Variants in FGF14 observed in about 807,000 individuals in gnomAD.
FGF14 encodes the protein fibroblast growth factor 14, also known as fibroblast growth factor homologous factor 4.
In FGF14, 5 loss-of-function variants were observed where a neutral mutation model predicts 25.5. The ratio of observed to expected loss-of-function variants is 0.20; its 90% confidence interval spans 0.10 to 0.41. The LOEUF (loss-of-function observed/expected upper bound fraction) is 0.41. FGF14 is among the 10% of genes least tolerant of loss of function. The pLI, the probability that FGF14 is intolerant of heterozygous loss-of-function variation, is 1.00. For synonymous variants in FGF14, 138 were observed against 118.3 expected (o/e 1.17, Z -1.08); for missense variants, 222 against 320.1 (o/e 0.69, Z 2.34).
intron 1 of FGF14, among the ~76,000 whole-genome samples, chr13:101,945,152 C>A (rs945760847): frequency 6.6e-6 from 1 of 152,048 alleles, no homozygotes; most frequent in Non-Finnish European, 1.5e-5. Flanking sequence ...AACCCCATCT[C>A]TACTAAAAAT....
chr13:102,130,700 G>A (rs774965385), intron 1 of FGF14, among the ~76,000 whole-genome samples: 3 of 152,104 alleles, frequency 2.0e-5, no homozygotes, highest in Non-Finnish European at 4.4e-5. Flanking sequence ...GAGCGTACAA[G>A]GGAAAGCCAA....
At chr13:102,363,581 T>C (rs986701935) in intron 1 of FGF14, among the ~76,000 whole-genome samples, 1 of 152,218 alleles carries the variant, frequency 6.6e-6, no homozygotes, top group Non-Finnish European at 1.5e-5. Context: ...AAAGGCTCTT[T>C]TTCCCATAGC....
chr13:101,772,431 C>T (rs1594194296), intron 3 of FGF14, among the ~76,000 whole-genome samples: 1 of 152,090 alleles, frequency 6.6e-6, no homozygotes, highest in Non-Finnish European at 1.5e-5. Flanking sequence ...TCAGGACAGA[C>T]TTTCCATGTA....
chr13:102,293,149 GT>G (rs67564093), intron 1 of FGF14: 5,227 of 152,338 alleles, frequency 0.034, 120 homozygotes, highest in Non-Finnish European at 0.051. Flanking sequence ...CAGGCTCCGT[GT>G]TTCTTCCCCT....
chr13:101,755,450 A>G (rs894797067), intron 3 of FGF14, among the ~76,000 whole-genome samples: 2 of 152,258 alleles, frequency 1.3e-5, no homozygotes, highest in African/African-American at 4.8e-5. Flanking sequence ...GCAGTGAGGT[A>G]TGATCACACC....
chr13:102,341,608 A>G (rs1426363809), intron 1 of FGF14, among the ~76,000 whole-genome samples: 1 of 152,206 alleles, frequency 6.6e-6, no homozygotes, highest in East Asian at 1.9e-4. Flanking sequence ...TATTTGAAAT[A>G]TTTGTATGAT....
chr13:102,186,029 G>A (rs2048860690), intron 1 of FGF14, among the ~76,000 whole-genome samples: 1 of 152,110 alleles, frequency 6.6e-6, no homozygotes, highest in African/African-American at 2.4e-5. Context: ...TCTGGACAAA[G>A]TTCATTGCCT....
chr13:102,111,721 G>GA (rs76260816), intron 1 of FGF14, among the ~76,000 whole-genome samples: 4,893 of 81,096 alleles, frequency 0.06, 290 homozygotes, highest in African/African-American at 0.17. Context: ...GTCTAAAAAA[G>GA]AAAAAAAAAA....
At chr13:101,825,977 C>A (rs2042375757) in intron 3 of FGF14, among the ~76,000 whole-genome samples, 1 of 152,098 alleles carries the variant, frequency 6.6e-6, no homozygotes. Context: ...AAGACCATGT[C>A]AATCTGTTAT....
At chr13:102,194,465 T>C (rs2049264104) in intron 1 of FGF14, among the ~76,000 whole-genome samples, 1 of 151,758 alleles carries the variant, frequency 6.6e-6, no homozygotes, top group African/African-American at 2.4e-5. Context: ...TGTGTGTTGT[T>C]CCCCTGCTAG....
chr13:102,032,694 A>G (rs530179730), intron 1 of FGF14, among the ~76,000 whole-genome samples: 5 of 152,272 alleles, frequency 3.3e-5, no homozygotes, highest in Admixed American at 6.5e-5. Context: ...GGCAGGGGAC[A>G]TACACTATCA....
At position 101,721,019 on chromosome 13, in the gene FGF14, A is replaced by C. The variant is rs2034938397; in HGVS notation, c.*1812T>G. 6.6e-6 allele frequency: 1 copy of C among 152,154 alleles called. No homozygotes were observed. The highest frequency in any genetic ancestry group is 2.4e-5 in the African/African-American group (1 of 41,452). 9.4% of individuals were successfully genotyped at this position (152,154 alleles called of 1,614,324 possible). On this transcript the variant is annotated 3_prime_UTR_variant, in exon 5 of 5. Coordinates refer to ENST00000376143, the MANE Select transcript of FGF14 (RefSeq NM_004115.4). Reference sequence around the variant, plus strand: ...GAAGATTTATGAAAGCAGTGACAAAATAATTTCCCAATAAATACAGTGCAG... The same window carrying C: ...GAAGATTTATGAAAGCAGTGACAAACTAATTTCCCAATAAATACAGTGCAG...
intron 1 of FGF14, among the ~76,000 whole-genome samples, chr13:101,925,169 C>G (rs1253923359): frequency 2.0e-5 from 3 of 152,124 alleles, no homozygotes; most frequent in Non-Finnish European, 4.4e-5. Context: ...AAATAAATGA[C>G]AAATAAAAAT....
intron 1 of FGF14, chr13:102,016,841 ACTGCCCCCTCCTGTTTTC>A (rs1187017867): frequency 6.6e-6 from 1 of 152,422 alleles, no homozygotes; most frequent in Non-Finnish European, 1.5e-5. Flanking sequence ...CTTCTCTGTT[ACTGCCCCCTCCTGTTTTC>A]CTGCTACATT....
chr13:102,139,911 AG>A (rs1271433367), intron 1 of FGF14, among the ~76,000 whole-genome samples: 2 of 152,152 alleles, frequency 1.3e-5, no homozygotes, highest in African/African-American at 4.8e-5. Context: ...CTGATATACC[AG>A]ATATTTTCAT....
In FGF14 at chr13:102,228,867, C is replaced by T. The variant is rs372912834; in HGVS notation, c.208+172604G>A. Reference sequence around the variant, plus strand: ...GCTGAATATTAAAATATAAAACCTCCTCTTCCATTGTTAGGTATATTTTAA... The same window carrying T: ...GCTGAATATTAAAATATAAAACCTCTTCTTCCATTGTTAGGTATATTTTAA... On this transcript the variant is annotated intron_variant, in intron 1 of 4. Coordinates refer to the FGF14 transcript ENST00000376131. Among the ~76,000 whole-genome samples the T allele has an allele frequency of 2.0e-5, 3 of 152,284 alleles. No individual in the cohort carries two copies. The South Asian group carries it at 6.2e-4, about 32-fold the overall frequency.
chr13:102,155,317 C>G lies in FGF14; in HGVS notation c.208+246154G>C, dbSNP rs1482491402. Among the ~76,000 whole-genome samples, 9 of 152,216 alleles carry G rather than the reference C, an allele frequency of 5.9e-5. No homozygotes were observed. The South Asian group carries it at 1.9e-3, about 32-fold the overall frequency. ...ATAGAAATTATAACAAACTGTCTCT[C>G]AGACCACAGTGCAATCAAACTAGAA... On this transcript the variant is annotated intron_variant, in intron 1 of 4. Coordinates refer to the FGF14 transcript ENST00000376131.
chr13:102,336,154 GTAGGTTGAAAGCCAAGATGGCTGAAGC>G (rs1421058375), intron 1 of FGF14, among the ~76,000 whole-genome samples: 4 of 152,306 alleles, frequency 2.6e-5, no homozygotes, highest in Non-Finnish European at 5.9e-5. Flanking sequence ...AGTGAGGAAG[GTAGGTTGAAAGCCAAGATGGCTGAAGC>G]TAGTCCTCTT....
At chr13:102,023,468 T>C (rs1047119059) in intron 1 of FGF14, among the ~76,000 whole-genome samples, 7 of 152,068 alleles carry the variant, frequency 4.6e-5, no homozygotes, top group African/African-American at 1.7e-4. Flanking sequence ...TACCGTAAAA[T>C]TCACCTTTTA....
Sources: allele counts gnomAD v4.1 joint callset (sites outside exome capture counted in the v4.1 genomes callset), GRCh38; gene constraint gnomAD v4.1.1; transcripts MANE v1.5; gene names NCBI Gene and HGNC (gene_info 2026-07-23, HGNC 2026-07-21).